BICDL2: variants seen among roughly 807,000 people sequenced by gnomAD.
BICDL2 encodes the protein BICD family-like cargo adapter 2.
In BICDL2, 62 loss-of-function variants were observed where a neutral mutation model predicts 56.6. The ratio of observed to expected loss-of-function variants is 1.10; its 90% confidence interval spans 0.89 to 1.35. The LOEUF (loss-of-function observed/expected upper bound fraction) is 1.35. Among genes scored for constraint, BICDL2 ranks in the 40% most tolerant of loss-of-function variants. The pLI is 0.00. For missense variants in BICDL2, 808 were observed against 684.5 expected, an observed-to-expected ratio of 1.18 and a Z score of -2.01; for synonymous variants, 358 against 319.8, an observed-to-expected ratio of 1.12 and a Z score of -1.27.
Position 3,029,239 on chromosome 16 carries a change from C to T in BICDL2, c.1107+41G>A, listed in dbSNP as rs774474231. 7 of 1,593,646 alleles carry T rather than the reference C, an allele frequency of 4.4e-6. No homozygotes were observed. The East Asian group carries it at 1.1e-4, about 26-fold the overall frequency. On this transcript the variant is annotated intron_variant, in intron 7 of 9. Transcript: ENST00000572449. Reference sequence around the variant, plus strand: ...GGACATGGGAGACAGAAACTGACAGCTGGAGGGGCCGTGCATCCAGCACCG... The same window carrying T: ...GGACATGGGAGACAGAAACTGACAGTTGGAGGGGCCGTGCATCCAGCACCG...
intron 5 of BICDL2, chr16:3,030,102 G>C: frequency 2.2e-6 from 1 of 461,900 alleles, no homozygotes. Context: ...TGACCCCAAA[G>C]TGCAGACTCC....
In BICDL2 at chr16:3,029,753, C is replaced by G. The variant is rs1241735928; in HGVS notation, c.763-14G>C. 1.3e-5 allele frequency: 19 copies of G among 1,461,840 alleles called. No individual in the cohort carries two copies. The highest frequency in any genetic ancestry group is 1.6e-5 in the Non-Finnish European group (18 of 1,114,740). The allele number at this position is 1,461,840 out of a possible 1,614,324, so 90.6% of individuals were successfully genotyped here. A position where few individuals can be genotyped will look rare whatever the true frequency, so the allele number is the denominator to read the frequency against. ...TGCGCGTTCCAGCTGTGGACGGTCC[C>G]GCAGACGGAAGCGCGGGCGGTCAGC... is the stretch of plus-strand genomic sequence containing the variant. On this transcript the variant is annotated splice_polypyrimidine_tract_variant and intron_variant, in intron 5 of 9. Coordinates refer to ENST00000572449, the MANE Select transcript of BICDL2 (RefSeq NM_001369667.1).
chr16:3,032,700 G>C (rs1596483902), intron 2 of BICDL2: 1 of 152,236 alleles, frequency 6.6e-6, no homozygotes, highest in East Asian at 1.9e-4. Flanking sequence ...AAGAAGGCTA[G>C]GCATTAAGGA....
At chr16:3,028,616 ATT>A (rs2151139060) in intron 8 of BICDL2, 82 bp downstream of exon 8, 47 of 278,650 alleles carry the variant, frequency 1.7e-4, no homozygotes, top group Non-Finnish European at 2.4e-4. Context: ...AGTGGGGATC[ATT>A]ATAACCCGTA....
intron 2 of BICDL2, among the ~76,000 whole-genome samples, chr16:3,034,711 C>CCCTTCCTTCCTTCCTT (rs1955705888): frequency 1.6e-5 from 2 of 127,080 alleles, no homozygotes; most frequent in African/African-American, 5.9e-5. Context: ...TCCTTCCTTC[C>CCCTTCCTTCCTTCCTT]TTTTTTTTTT....
At chr16:3,031,493 C>G in intron 2 of BICDL2, 1 of 509,318 alleles carries the variant, frequency 2.0e-6, no homozygotes, top group Non-Finnish European at 3.5e-6. Flanking sequence ...AAGCCCCGGC[C>G]CATGGCAGCA....
At position 3,035,532 on chromosome 16, in the gene BICDL2, G is replaced by A; in HGVS notation, c.-30-6C>T. On this transcript the variant is annotated splice_polypyrimidine_tract_variant and splice_region_variant and intron_variant, in intron 1 of 9. Coordinates refer to ENST00000572449, the MANE Select transcript of BICDL2 (RefSeq NM_001369667.1). The stretch of plus-strand genomic sequence containing the variant: ...GCATCTGCGGGGACAGGTGGCTGCG[G>A]GACACTCTACTCTGCAGCCTGACAG... 6.3e-7 allele frequency: 1 copy of A among 1,582,340 alleles called. No homozygotes were observed. The highest frequency in any genetic ancestry group is 1.3e-5 in the African/African-American group (1 of 74,256).
chr16:3,035,640 C>G, intron 1 of BICDL2, 114 bp from the exon 2 acceptor site: 2 of 928,190 alleles, frequency 2.2e-6, no homozygotes, highest in South Asian at 3.5e-5. Context: ...CCAGGGCTTC[C>G]TGGGCCACAA....
chr16:3,028,403 A>C lies in BICDL2; in HGVS notation c.1304T>G (p.Leu435Arg), dbSNP rs764297433. 11 of 1,554,096 alleles carry C rather than the reference A, an allele frequency of 7.1e-6. No individual in the cohort carries two copies. The highest frequency in any genetic ancestry group is 8.6e-6 in the Non-Finnish European group (10 of 1,158,246). ...CACCTTCTGGCGGATGGCGCGCAGC[A>C]GCTCCCGAGACAGGGAGTCTCGCTC... ...SLERDSLSRE[L>R]LRAIRQKVAL... Residue 435 changes from leucine (L) to arginine (R), a missense_variant, in exon 9 of 10, where the codon CTG becomes CGG. Leu to Arg is a moderately radical substitution (Grantham distance 102). Transcript: ENST00000572449.
At chr16:3,035,176 T>TTGGCCCCGGGGG in intron 2 of BICDL2, 39 bp downstream of exon 2, 1 of 136,274 alleles carries the variant, frequency 7.3e-6, no homozygotes, top group Non-Finnish European at 1.4e-5. Flanking sequence ...CGTCCTCCCC[T>TTGGCCCCGGGGG]GCCCACCCAC....
At position 3,029,557 on chromosome 16, in the gene BICDL2, G is replaced by C; in HGVS notation, c.945C>G (p.Pro315=). The C allele has an allele frequency of 6.5e-7, 1 of 1,549,024 alleles. No individual in the cohort carries two copies. The change falls in exon 6 of 10, where the codon CCC becomes CCG. Residue 315 remains proline (P), a synonymous_variant. Transcript: ENST00000572449. ...DGDQGQGADA[P]GDTPTTRSPK... The stretch of plus-strand genomic sequence containing the variant: ...CCCACGAGCTCACCGGGGTGTCTCC[G>C]GGTGCGTCGGCGCCCTGGCCCTGGT...
In BICDL2 at chr16:3,035,380, TC is replaced by T; in HGVS notation, c.116del (p.Gly39GlufsTer12). Reference sequence around the variant, plus strand: ...CGGGCTCCTCAGGCCCTGGGCCCCCTCCCAGGAATGAGTCCCGCCGCTCCAG... The same window carrying T: ...CGGGCTCCTCAGGCCCTGGGCCCCCTCCAGGAATGAGTCCCGCCGCTCCAG... ...FVLERRDSFL[G>X]GGPGPEEPED... On this transcript the variant is annotated frameshift_variant, in exon 2 of 10. Transcript: ENST00000572449. LOFTEE classifies it high-confidence loss of function. 1 of 1,607,264 alleles carries T rather than the reference TC, an allele frequency of 6.2e-7. No homozygotes were observed. The highest frequency in any genetic ancestry group is 8.5e-7 in the Non-Finnish European group (1 of 1,178,156).
intron 7 of BICDL2, 85 bp downstream of exon 7, chr16:3,029,195 T>A: frequency 3.3e-6 from 5 of 1,515,282 alleles, no homozygotes. Flanking sequence ...GGGAGCTTAG[T>A]GGGCAAAGGC....
intron 1 of BICDL2, chr16:3,036,226 C>A: frequency 2.2e-6 from 1 of 453,880 alleles, no homozygotes; most frequent in Non-Finnish European, 4.4e-6. Flanking sequence ...CCTCAGCCCC[C>A]CAGTTTCCCA....
intron 1 of BICDL2, 59 bp downstream of exon 1, chr16:3,036,835 C>G (rs1955739832): frequency 3.1e-6 from 1 of 323,050 alleles, no homozygotes; most frequent in South Asian, 2.2e-5. Context: ...CCGACGCGGC[C>G]GGACCAGGCC....
chr16:3,031,215 A>C (rs1314129931), intron 2 of BICDL2, 65 bp from the exon 3 acceptor site: 4 of 1,398,334 alleles, frequency 2.9e-6, no homozygotes, highest in Admixed American at 2.2e-5. Flanking sequence ...AGGCACAGAG[A>C]GATGGCGATG....
At position 3,028,796 on chromosome 16, in the gene BICDL2, CGCAGGGACTGCAGCTCTGCCT is replaced by C. The variant is rs1039841744; in HGVS notation, c.1121_1141del (p.Gln374_Leu380del). On this transcript the variant is annotated inframe_deletion, in exon 8 of 10. Transcript: ENST00000572449. The stretch of plus-strand genomic sequence containing the variant: ...CTCCTTCTGCCTCTGCAGCTCTTCC[CGCAGGGACTGCAGCTCTGCCT>C]GCTGCAGCGAGATCTGTGAGCAGAG... The C allele has an allele frequency of 1.0e-5, 16 of 1,555,810 alleles. No homozygotes were observed. The Admixed American group carries it at 1.2e-4, about 11-fold the overall frequency.
chr16:3,029,607 G>A lies in BICDL2; in HGVS notation c.895C>T (p.Leu299=). ...DVSAASLQSE[L]AHSLDDGDQG... is the part of the protein sequence containing the mutation. ...TCGCCGTCGTCGAGGCTGTGGGCCAGTTCTGACTGCAACGAGGCAGCCGAC... is the reference window on the plus strand; with the variant it reads ...TCGCCGTCGTCGAGGCTGTGGGCCAATTCTGACTGCAACGAGGCAGCCGAC... The change falls in exon 6 of 10, where the codon CTG becomes TTG. Residue 299 remains leucine, a synonymous_variant. Transcript: ENST00000572449. The A allele has an allele frequency of 6.5e-7, 1 of 1,541,684 alleles. No individual in the cohort carries two copies. Among genetic ancestry groups the A allele is most frequent in the South Asian group, 1.2e-5 (1 of 84,234 alleles).
chr16:3,028,219 GC>G lies in BICDL2; in HGVS notation c.1413del (p.Glu471AspfsTer2), dbSNP rs763509689. The G allele has an allele frequency of 4.1e-6, 6 of 1,471,716 alleles. No individual in the cohort carries two copies. The highest frequency in any genetic ancestry group is 3.6e-6 in the Non-Finnish European group (4 of 1,123,012). The allele number at this position is 1,471,716 out of a possible 1,614,324, so 91.2% of individuals were successfully genotyped here. A position where few individuals can be genotyped will look rare whatever the true frequency, so the allele number is the denominator to read the frequency against. ...GTCGACGACGACGCGGAGGCGCTCA[GC>G]TCCTTCTGGCGCTGTGAGCGCAGCT... ...GQQLRSQRQK[E>X]LSASASSSTP... On this transcript the variant is annotated frameshift_variant, in exon 10 of 10. Transcript: ENST00000572449. LOFTEE classifies it low-confidence loss of function (END_TRUNC).
Sources: allele counts gnomAD v4.1 joint callset (sites outside exome capture counted in the v4.1 genomes callset), GRCh38; gene constraint gnomAD v4.1.1; transcripts MANE v1.5; gene names NCBI Gene and HGNC (gene_info 2026-07-23, HGNC 2026-07-21).